LINGO2: variants seen among roughly 807,000 people sequenced by gnomAD.
LINGO2 encodes leucine-rich repeat and immunoglobulin-like domain-containing nogo receptor-interacting protein 2.
A neutral mutation model predicts 30.6 loss-of-function variants in LINGO2; 14 were observed. The ratio of observed to expected loss-of-function variants is 0.46; its 90% confidence interval spans 0.30 to 0.72. The LOEUF (loss-of-function observed/expected upper bound fraction) is 0.72, where lower values mean the gene tolerates loss of function less well. Ranked by LOEUF, LINGO2 falls within the 30% of genes least tolerant of loss-of-function variation. LINGO2 has a pLI of 0.07. For synonymous variants in LINGO2, 317 were observed against 288.5 expected (o/e 1.10, Z -1.00); for missense variants, 729 against 751.7 (o/e 0.97, Z 0.35).
chr9:28,482,385 C>A (rs2135228362), intron 1 of LINGO2, among the ~76,000 whole-genome samples: 1 of 152,270 alleles, frequency 6.6e-6, no homozygotes, highest in South Asian at 2.1e-4. Context: ...TGATGATGAG[C>A]ATTTTTTCAT....
chr9:28,369,193 T>A (rs1820803866), intron 3 of LINGO2, among the ~76,000 whole-genome samples: 1 of 152,198 alleles, frequency 6.6e-6, no homozygotes, highest in Non-Finnish European at 1.5e-5. Context: ...ATTACTTTTC[T>A]GATTGCTTCA....
At chr9:28,061,689 A>T (rs566634555) in intron 4 of LINGO2, among the ~76,000 whole-genome samples, 1 of 152,166 alleles carries the variant, frequency 6.6e-6, no homozygotes, top group Admixed American at 6.6e-5. Context: ...TAACCTAGAG[A>T]TCCTTCTGAA....
the LINGO2 span, among the ~76,000 whole-genome samples, chr9:28,990,802 G>A: frequency 3.9e-5 from 6 of 152,086 alleles, 1 homozygote; most frequent in Non-Finnish European, 5.9e-5. Context: ...GTTCCTGTCT[G>A]TTAGAAGGAA....
chr9:28,527,340 A>C (rs1188617131), intron 1 of LINGO2, among the ~76,000 whole-genome samples: 1 of 152,168 alleles, frequency 6.6e-6, no homozygotes, highest in Admixed American at 6.5e-5. Flanking sequence ...TCATTCTGTA[A>C]AAACGTATTC....
chr9:28,319,498 G>T (rs1360957076), intron 3 of LINGO2, among the ~76,000 whole-genome samples: 4 of 148,384 alleles, frequency 2.7e-5, no homozygotes, highest in African/African-American at 1.0e-4. Context: ...AGGGATTAGG[G>T]TGTGAACATC....
chr9:28,746,776 G>T, the LINGO2 span, among the ~76,000 whole-genome samples: 1 of 152,054 alleles, frequency 6.6e-6, no homozygotes, highest in Non-Finnish European at 1.5e-5. Context: ...TGATTTTTAT[G>T]ACAGTGGGCT....
At chr9:27,988,748 C>T (rs1821248332) in intron 5 of LINGO2, among the ~76,000 whole-genome samples, 1 of 151,816 alleles carries the variant, frequency 6.6e-6, no homozygotes, top group East Asian at 1.9e-4. Context: ...CTGACCTCGC[C>T]CACAGACTGT....
chr9:28,142,532 G>A (rs998858647), intron 4 of LINGO2, among the ~76,000 whole-genome samples: 1 of 152,070 alleles, frequency 6.6e-6, no homozygotes, highest in African/African-American at 2.4e-5. Flanking sequence ...AAAAATGGTA[G>A]ATAATTGTTT....
At chr9:28,157,578 A>T (rs1370121725) in intron 4 of LINGO2, among the ~76,000 whole-genome samples, 2 of 152,130 alleles carry the variant, frequency 1.3e-5, no homozygotes, top group Non-Finnish European at 2.9e-5. Flanking sequence ...AGCTGGCTTG[A>T]ATTTCTCCTC....
At chr9:28,856,337 CAAAAT>C in the LINGO2 span, among the ~76,000 whole-genome samples, 5 of 151,958 alleles carry the variant, frequency 3.3e-5, no homozygotes, top group East Asian at 5.8e-4. Context: ...AGTGATATAA[CAAAAT>C]AATGATTCCC....
rs184697856 is a variant in LINGO2 at position 28,333,628 on chromosome 9, A to G, written c.-245-38262T>C. Among the ~76,000 whole-genome samples, 9 of 152,282 alleles carry G rather than the reference A, an allele frequency of 5.9e-5. No individual in the cohort carries two copies. The East Asian group carries it at 1.7e-3, about 29-fold the overall frequency. On this transcript the variant is annotated intron_variant, in intron 3 of 5. Coordinates refer to ENST00000379992, the Ensembl canonical transcript of LINGO2. The stretch of plus-strand genomic sequence containing the variant: ...ATTAAACCAAATTGAAAACCAGTCA[A>G]TCCTCAAGTGTGCATATTAAAGCTG...
intron 1 of LINGO2, among the ~76,000 whole-genome samples, chr9:28,555,539 T>G (rs1017020498): frequency 6.6e-6 from 1 of 151,986 alleles, no homozygotes; most frequent in African/African-American, 2.4e-5. Flanking sequence ...CAGGACCAGA[T>G]GGATTCACAG....
At chr9:28,322,370 T>C (rs1825075464) in intron 3 of LINGO2, among the ~76,000 whole-genome samples, 1 of 151,496 alleles carries the variant, frequency 6.6e-6, no homozygotes, top group African/African-American at 2.4e-5. Flanking sequence ...AACTAAAATA[T>C]AAGATTCACT....
At chr9:28,321,820 C>A (rs967932328) in intron 3 of LINGO2, among the ~76,000 whole-genome samples, 2 of 152,036 alleles carry the variant, frequency 1.3e-5, no homozygotes, top group African/African-American at 4.8e-5. Context: ...CCAATTACAC[C>A]CACCAATGAA....
intron 4 of LINGO2, among the ~76,000 whole-genome samples, chr9:28,179,161 C>T (rs1341510658): frequency 6.7e-6 from 1 of 148,742 alleles, no homozygotes; most frequent in African/African-American, 2.5e-5. Flanking sequence ...AAACTTGATA[C>T]TTCAAAATAT....
intron 2 of LINGO2, among the ~76,000 whole-genome samples, chr9:28,438,119 A>G (rs1198860340): frequency 6.6e-6 from 1 of 151,596 alleles, no homozygotes; most frequent in Admixed American, 6.6e-5. Context: ...GATTATATTG[A>G]TTTCTATGGC....
At chr9:28,478,865 T>C (rs1825825873) in intron 1 of LINGO2, among the ~76,000 whole-genome samples, 1 of 152,080 alleles carries the variant, frequency 6.6e-6, no homozygotes, top group Non-Finnish European at 1.5e-5. Flanking sequence ...ACATGAAATA[T>C]ATAAAATACT....
chr9:28,754,635 C>CTT, the LINGO2 span, among the ~76,000 whole-genome samples: 4 of 143,458 alleles, frequency 2.8e-5, no homozygotes, highest in African/African-American at 5.1e-5. Context: ...TGTTTCTGTC[C>CTT]TTTTTTTTTT....
At chr9:28,732,457 C>T in the LINGO2 span, among the ~76,000 whole-genome samples, 1 of 151,538 alleles carries the variant, frequency 6.6e-6, no homozygotes, top group Non-Finnish European at 1.5e-5. Context: ...ACTCAAAAGA[C>T]AACAATAAAT....
Sources: allele counts gnomAD v4.1 joint callset (sites outside exome capture counted in the v4.1 genomes callset), GRCh38; gene constraint gnomAD v4.1.1; transcripts MANE v1.5; gene names NCBI Gene and HGNC (gene_info 2026-07-23, HGNC 2026-07-21).